NRXN3: variants seen among roughly 807,000 people sequenced by gnomAD.
NRXN3 encodes neurexin III.
NRXN3 carries 32 observed loss-of-function variants against 137.6 expected under a neutral mutation model. The observed-to-expected ratio is 0.23, with a 90% CI of 0.18 to 0.31. NRXN3 has a LOEUF of 0.31. NRXN3 is among the 10% of genes least tolerant of loss of function. NRXN3 has a pLI of 1.00. For synonymous variants in NRXN3, 798 were observed against 784.5 expected, an observed-to-expected ratio of 1.02 and a Z score of -0.29; for missense variants, 1,574 against 2,062.5, an observed-to-expected ratio of 0.76 and a Z score of 4.59.
intron 4 of NRXN3, among the ~76,000 whole-genome samples, chr14:78,385,617 G>A (rs2089860297): frequency 6.6e-6 from 1 of 152,254 alleles, no homozygotes; most frequent in Admixed American, 6.5e-5. Context: ...AATATTCTAT[G>A]TATGAAATGG....
At chr14:79,717,253 C>G (rs1355825362) in intron 19 of NRXN3, among the ~76,000 whole-genome samples, 4 of 152,198 alleles carry the variant, frequency 2.6e-5, no homozygotes, top group African/African-American at 9.6e-5. Context: ...CTAAAAAGCA[C>G]ACATAGCTTT....
intron 19 of NRXN3, among the ~76,000 whole-genome samples, chr14:79,773,739 T>C (rs1252432665): frequency 2.0e-5 from 3 of 150,532 alleles, no homozygotes; most frequent in Admixed American, 6.7e-5. Context: ...GTAACTAACC[T>C]GCACAATGTG....
At chr14:79,339,621 T>C (rs2092482762) in intron 15 of NRXN3, among the ~76,000 whole-genome samples, 1 of 152,220 alleles carries the variant, frequency 6.6e-6, no homozygotes, top group Non-Finnish European at 1.5e-5. Flanking sequence ...TGAATTAGAA[T>C]TGTATTTTCA....
chr14:78,521,555 A>T (rs1366993438), intron 4 of NRXN3, among the ~76,000 whole-genome samples: 1 of 152,194 alleles, frequency 6.6e-6, no homozygotes, highest in Non-Finnish European at 1.5e-5. Flanking sequence ...GAGGATGGTT[A>T]AGTGAGCAAT....
chr14:79,268,812 T>A (rs2078844540), intron 15 of NRXN3, among the ~76,000 whole-genome samples: 1 of 152,202 alleles, frequency 6.6e-6, no homozygotes, highest in South Asian at 2.1e-4. Flanking sequence ...GAGATACTTA[T>A]AATAATATAT....
At chr14:79,510,228 T>A (rs1203194006) in intron 16 of NRXN3, among the ~76,000 whole-genome samples, 1 of 152,188 alleles carries the variant, frequency 6.6e-6, no homozygotes, top group African/African-American at 2.4e-5. Context: ...ATCTAGGGGT[T>A]CTCGGGATTC....
intron 11 of NRXN3, among the ~76,000 whole-genome samples, chr14:78,962,035 C>T (rs1470574886): frequency 6.6e-6 from 1 of 152,212 alleles, no homozygotes; most frequent in Non-Finnish European, 1.5e-5. Flanking sequence ...CTCCTTAGAA[C>T]AGCTTCTACA....
intron 15 of NRXN3, among the ~76,000 whole-genome samples, chr14:79,133,767 T>G (rs1237102709): frequency 6.7e-6 from 1 of 149,992 alleles, no homozygotes; most frequent in Non-Finnish European, 1.5e-5. Context: ...CTACTAAAAA[T>G]ACAAAAAAAA....
At chr14:78,757,409 TAA>T (rs59969129) in intron 8 of NRXN3, among the ~76,000 whole-genome samples, 4 of 138,504 alleles carry the variant, frequency 2.9e-5, no homozygotes, top group Non-Finnish European at 3.1e-5. Context: ...TTCCATCTCT[TAA>T]AAAAAAAAAA....
At chr14:79,095,435 C>T (rs904643063) in intron 15 of NRXN3, among the ~76,000 whole-genome samples, 2 of 152,092 alleles carry the variant, frequency 1.3e-5, no homozygotes, top group South Asian at 2.1e-4. Context: ...CAACTGTAAC[C>T]CCTGCTTGGC....
chr14:79,859,697 C>G (rs1156315438), intron 20 of NRXN3, among the ~76,000 whole-genome samples: 1 of 152,102 alleles, frequency 6.6e-6, no homozygotes, highest in African/African-American at 2.4e-5. Flanking sequence ...TATACTATCA[C>G]AGCAAAGTTA....
intron 15 of NRXN3, among the ~76,000 whole-genome samples, chr14:79,097,254 C>G (rs1302843061): frequency 2.6e-5 from 4 of 152,068 alleles, no homozygotes; most frequent in Admixed American, 6.6e-5. Flanking sequence ...GAAAAAGCAC[C>G]AGAAGCAAAT....
chr14:79,762,399 T>C (rs2099041719), intron 19 of NRXN3, among the ~76,000 whole-genome samples: 1 of 151,582 alleles, frequency 6.6e-6, no homozygotes, highest in Admixed American at 6.6e-5. Flanking sequence ...TTGCTTGAAA[T>C]GTAAAGGTAT....
chr14:79,359,548 G>A (rs911253233), intron 15 of NRXN3, among the ~76,000 whole-genome samples: 5 of 149,008 alleles, frequency 3.4e-5, no homozygotes, highest in African/African-American at 1.2e-4. Context: ...CTTTATCAGA[G>A]CAAACATCCG....
At chr14:78,469,102 C>T (rs2095199170) in intron 4 of NRXN3, among the ~76,000 whole-genome samples, 1 of 152,112 alleles carries the variant, frequency 6.6e-6, no homozygotes, top group East Asian at 1.9e-4. Context: ...ATAAAATCGC[C>T]TAAAGAGCTT....
At chr14:78,217,275 AT>A (rs1399371013) in intron 1 of NRXN3, among the ~76,000 whole-genome samples, 1 of 152,196 alleles carries the variant, frequency 6.6e-6, no homozygotes, top group African/African-American at 2.4e-5. Context: ...TCTTAACAAT[AT>A]TTTTTAAGAA....
intron 14 of NRXN3, among the ~76,000 whole-genome samples, chr14:78,970,855 A>G (rs1008440514): frequency 7.9e-5 from 12 of 152,162 alleles, no homozygotes; most frequent in South Asian, 2.1e-4. Flanking sequence ...ATCTGAATCT[A>G]TGGTGAGTCC....
intron 8 of NRXN3, among the ~76,000 whole-genome samples, chr14:78,794,189 C>A (rs1283195222): frequency 6.6e-6 from 1 of 151,832 alleles, no homozygotes; most frequent in Non-Finnish European, 1.5e-5. Context: ...TTGAGACCAG[C>A]CTGACCAACA....
At chr14:78,493,048 T>C (rs1218045910) in intron 4 of NRXN3, among the ~76,000 whole-genome samples, 2 of 152,168 alleles carry the variant, frequency 1.3e-5, no homozygotes, top group East Asian at 1.9e-4. Flanking sequence ...ATGTACCCTT[T>C]CCGATAATGC....
Sources: gnomAD v4.1 joint callset for allele counts (sites outside exome capture counted in the v4.1 genomes callset) on GRCh38, gnomAD v4.1.1 for gene constraint, MANE v1.5 for transcripts, NCBI Gene and HGNC (gene_info 2026-07-23, HGNC 2026-07-21) for gene names.